Variants in NRG1 observed in about 807,000 individuals in gnomAD.
NRG1 encodes pro-neuregulin-1, membrane-bound isoform.
A neutral mutation model predicts 63.8 loss-of-function variants in NRG1; 18 were observed. The observed-to-expected ratio is 0.28, with a 90% confidence interval of 0.19 to 0.42. The LOEUF is 0.42. Ranked by LOEUF, NRG1 falls within the 10% of genes least tolerant of loss-of-function variation. The pLI is 1.00. For synonymous variants in NRG1, 302 were observed against 301.3 expected (o/e 1.00, Z -0.02); for missense variants, 762 against 814.7 (o/e 0.94, Z 0.79).
intron 5 of NRG1, among the ~76,000 whole-genome samples, chr8:32,639,966 A>G (rs1387856472): frequency 6.6e-6 from 1 of 152,206 alleles, no homozygotes; most frequent in Non-Finnish European, 1.5e-5. Context: ...AAGATTGCAC[A>G]TTGGATATGT....
intron 1 of NRG1, among the ~76,000 whole-genome samples, chr8:31,776,862 A>T (rs1819197223): frequency 6.6e-6 from 1 of 152,280 alleles, no homozygotes; most frequent in African/African-American, 2.4e-5. Flanking sequence ...TACAAAGGAC[A>T]TGAACTCATC....
chr8:32,549,645 A>G (rs1833752603), intron 1 of NRG1, among the ~76,000 whole-genome samples: 1 of 152,224 alleles, frequency 6.6e-6, no homozygotes, highest in East Asian at 1.9e-4. Flanking sequence ...CTATATAATA[A>G]AATGGCAATT....
At chr8:32,522,037 G>A (rs535564534) in intron 1 of NRG1, among the ~76,000 whole-genome samples, 11 of 152,272 alleles carry the variant, frequency 7.2e-5, no homozygotes, top group South Asian at 2.1e-4. Context: ...CTACAAGCTC[G>A]GCTTTTCGGC....
chr8:32,043,461 T>G (rs1207574756), intron 1 of NRG1, among the ~76,000 whole-genome samples: 1 of 151,998 alleles, frequency 6.6e-6, no homozygotes, highest in Non-Finnish European at 1.5e-5. Context: ...GAAGAAATTC[T>G]TCACACACAA....
At chr8:31,801,796 C>T (rs993955489) in intron 1 of NRG1, among the ~76,000 whole-genome samples, 6 of 152,104 alleles carry the variant, frequency 3.9e-5, no homozygotes, top group South Asian at 2.1e-4. Context: ...CAATATCAGA[C>T]GAAAGTTCTT....
intron 1 of NRG1, among the ~76,000 whole-genome samples, chr8:31,699,336 T>G (rs950220900): frequency 6.6e-6 from 1 of 152,186 alleles, no homozygotes; most frequent in Non-Finnish European, 1.5e-5. Flanking sequence ...TGGCCCAACA[T>G]AGTCACATGA....
rs562593266 is a variant in NRG1 at position 32,103,963 on chromosome 8, A to G, written c.37+464532A>G. On this transcript the variant is annotated intron_variant, in intron 1 of 10. Coordinates refer to the NRG1 transcript ENST00000519301. ...CAAAGAATTCACCTGCTAAAAGAGG[A>G]AAACATTTTAAAATTACTGTTGTAG... is the stretch of plus-strand genomic sequence containing the variant. Among the ~76,000 whole-genome samples the G allele has an allele frequency of 1.4e-4, 22 of 152,292 alleles. No homozygotes were observed. In the South Asian group the frequency reaches 4.6e-3, roughly 32 times the overall value.
At position 31,676,052 on chromosome 8, in the gene NRG1, T is replaced by A. The variant is rs950445359; in HGVS notation, c.37+36621T>A. On this transcript the variant is annotated intron_variant, in intron 1 of 10. Coordinates refer to the NRG1 transcript ENST00000519301. ...TGAAATCCATTAATGATATATTCAC[T>A]TTCTAGGGCTTATTTCCATCTCAAG... Among the ~76,000 whole-genome samples the A allele has an allele frequency of 2.6e-5, 4 of 152,314 alleles. No homozygotes were observed. In the East Asian group the frequency reaches 7.7e-4, roughly 29 times the overall value.
chr8:32,619,901 C>G (rs183845481), intron 5 of NRG1, among the ~76,000 whole-genome samples: 2 of 152,184 alleles, frequency 1.3e-5, no homozygotes, highest in East Asian at 3.9e-4. Context: ...AAAATATGCT[C>G]TTCAGTTTGA....
chr8:31,750,039 C>G (rs954079396), intron 1 of NRG1, among the ~76,000 whole-genome samples: 4 of 151,790 alleles, frequency 2.6e-5, no homozygotes, highest in African/African-American at 9.7e-5. Flanking sequence ...CCACCTTCCA[C>G]CAGGAGAAGC....
At chr8:32,027,898 G>A (rs986024584) in intron 1 of NRG1, among the ~76,000 whole-genome samples, 2 of 152,024 alleles carry the variant, frequency 1.3e-5, no homozygotes, top group African/African-American at 4.8e-5. Context: ...TTTCATTCCG[G>A]GTAGGAGCAG....
At chr8:32,219,993 A>C (rs982666982) in intron 1 of NRG1, among the ~76,000 whole-genome samples, 1 of 152,192 alleles carries the variant, frequency 6.6e-6, no homozygotes, top group African/African-American at 2.4e-5. Flanking sequence ...GGCTGTCAGA[A>C]GTTTAACCTT....
At chr8:32,284,774 G>C (rs1339383812) in intron 1 of NRG1, among the ~76,000 whole-genome samples, 1 of 152,092 alleles carries the variant, frequency 6.6e-6, no homozygotes, top group African/African-American at 2.4e-5. Flanking sequence ...GTCTCAAACT[G>C]CTGGGCTCAA....
chr8:31,846,950 G>T (rs1211476342), intron 1 of NRG1, among the ~76,000 whole-genome samples: 2 of 152,140 alleles, frequency 1.3e-5, no homozygotes, highest in African/African-American at 2.4e-5. Context: ...TAATAATAAA[G>T]GGGCACCTCT....
chr8:32,740,472 C>T (rs1286164373), intron 6 of NRG1, among the ~76,000 whole-genome samples: 1 of 152,156 alleles, frequency 6.6e-6, no homozygotes, highest in Non-Finnish European at 1.5e-5. Context: ...GCTAGGATTA[C>T]AGGCATGAGC....
At chr8:31,908,914 A>G (rs1271282126) in intron 1 of NRG1, among the ~76,000 whole-genome samples, 1 of 152,180 alleles carries the variant, frequency 6.6e-6, no homozygotes, top group Non-Finnish European at 1.5e-5. Context: ...AGTAACCATG[A>G]TATGCTAGTA....
chr8:31,983,302 A>G (rs1809484062), intron 1 of NRG1, among the ~76,000 whole-genome samples: 1 of 152,132 alleles, frequency 6.6e-6, no homozygotes, highest in Non-Finnish European at 1.5e-5. Context: ...GCTTTTATAA[A>G]GGACATAACT....
chr8:32,055,684 T>C (rs936268977), intron 1 of NRG1, among the ~76,000 whole-genome samples: 56 of 151,666 alleles, frequency 3.7e-4, no homozygotes, highest in Non-Finnish European at 4.4e-4. Context: ...TTTTTTTTTT[T>C]TTGCTTTCAA....
At position 32,488,276 on chromosome 8, in the gene NRG1, G is replaced by A. The variant is rs1046147296; in HGVS notation, c.38-107552G>A. On this transcript the variant is annotated intron_variant, in intron 1 of 10. Coordinates refer to the NRG1 transcript ENST00000519301. ...TCTTATAATCTGCAATAAAGAGGAA[G>A]ACTATTAAGATTCAAGCTTGTTTGA... is the stretch of plus-strand genomic sequence containing the variant. Among the ~76,000 whole-genome samples, 5 of 152,270 alleles carry A rather than the reference G, an allele frequency of 3.3e-5. 1 individual carries two copies. Among genetic ancestry groups the A allele is most frequent in the Middle Eastern group, 3.4e-3 (1 of 294 alleles).
Sources: gnomAD v4.1 joint callset for allele counts (sites outside exome capture counted in the v4.1 genomes callset) on GRCh38, gnomAD v4.1.1 for gene constraint, MANE v1.5 for transcripts, NCBI Gene and HGNC (gene_info 2026-07-23, HGNC 2026-07-21) for gene names.